Variants in DPP10 observed in about 807,000 individuals in gnomAD.
The protein encoded by DPP10 is inactive dipeptidyl peptidase 10.
DPP10 carries 33 observed loss-of-function variants against 120.9 expected under a neutral mutation model. That is an observed-to-expected ratio of 0.27 (90% CI 0.21 to 0.37). The LOEUF is 0.37. Among genes scored for constraint, DPP10 ranks in the 10% least tolerant of loss-of-function variants. DPP10 has a pLI of 1.00. For synonymous variants in DPP10, 337 were observed against 326.1 expected (o/e 1.03, Z -0.36); for missense variants, 816 against 942.8 (o/e 0.87, Z 1.76).
At chr2:115,287,875 A>G (rs936375198) in intron 1 of DPP10, among the ~76,000 whole-genome samples, 5 of 152,174 alleles carry the variant, frequency 3.3e-5, no homozygotes, top group African/African-American at 1.2e-4. Flanking sequence ...TTTCCATGGA[A>G]TGATAAGGAA....
At chr2:114,883,230 A>C (rs1336452317) in intron 1 of DPP10, among the ~76,000 whole-genome samples, 2 of 152,158 alleles carry the variant, frequency 1.3e-5, no homozygotes, top group Non-Finnish European at 2.9e-5. Flanking sequence ...TTGCTTCCCA[A>C]ATGGCAAGTG....
chr2:115,054,246 G>A (rs921793843), intron 1 of DPP10, among the ~76,000 whole-genome samples: 1 of 151,980 alleles, frequency 6.6e-6, no homozygotes, highest in Non-Finnish European at 1.5e-5. Context: ...TGGCTCCTTA[G>A]AGTCCTAGAA....
At chr2:114,935,053 T>C (rs1194161519) in intron 1 of DPP10, among the ~76,000 whole-genome samples, 2 of 152,120 alleles carry the variant, frequency 1.3e-5, no homozygotes, top group East Asian at 3.9e-4. Flanking sequence ...ATGAGGTAAA[T>C]CTACTCCATG....
intron 1 of DPP10, among the ~76,000 whole-genome samples, chr2:115,130,740 A>C (rs572186901): frequency 1.6e-4 from 24 of 151,800 alleles, no homozygotes; most frequent in African/African-American, 5.8e-4. Context: ...TTTTCTCCCC[A>C]CCTCTTCCAT....
intron 5 of DPP10, among the ~76,000 whole-genome samples, chr2:115,547,493 G>A (rs192200630): frequency 5.3e-5 from 8 of 152,214 alleles, no homozygotes; most frequent in Non-Finnish European, 1.0e-4. Flanking sequence ...TGGCTTATAG[G>A]CCAGGCACAG....
intron 15 of DPP10, among the ~76,000 whole-genome samples, chr2:115,778,058 T>C (rs1434553473): frequency 3.3e-5 from 5 of 152,126 alleles, no homozygotes; most frequent in Non-Finnish European, 1.5e-5. Context: ...CCTTATTCTT[T>C]TCTTCACCTG....
chr2:115,496,891 G>T (rs1168066375), intron 3 of DPP10, among the ~76,000 whole-genome samples: 1 of 152,012 alleles, frequency 6.6e-6, no homozygotes, highest in Non-Finnish European at 1.5e-5. Context: ...AGTTTGGTGG[G>T]CATGGGACTA....
intron 5 of DPP10, among the ~76,000 whole-genome samples, chr2:115,587,031 T>C (rs2082327761): frequency 6.6e-6 from 1 of 151,974 alleles, no homozygotes; most frequent in African/African-American, 2.4e-5. Flanking sequence ...GTTTTATAAC[T>C]GAAAGTTTAT....
chr2:115,618,727 A>G (rs1158411656), intron 5 of DPP10, among the ~76,000 whole-genome samples: 5 of 152,206 alleles, frequency 3.3e-5, no homozygotes, highest in Non-Finnish European at 7.3e-5. Flanking sequence ...ACACTAAGGA[A>G]TAGCATTCAC....
intron 1 of DPP10, among the ~76,000 whole-genome samples, chr2:114,584,884 T>C (rs1282741045): frequency 6.6e-6 from 1 of 152,112 alleles, no homozygotes; most frequent in Non-Finnish European, 1.5e-5. Flanking sequence ...TTGAACATTA[T>C]GTGAAGGGGA....
At chr2:115,044,535 A>G (rs1828311) in intron 1 of DPP10, among the ~76,000 whole-genome samples, 2 of 151,916 alleles carry the variant, frequency 1.3e-5, no homozygotes, top group African/African-American at 2.4e-5. Flanking sequence ...ATCATGAGAA[A>G]AGCACTGGAA....
intron 21 of DPP10, among the ~76,000 whole-genome samples, chr2:115,827,132 T>G (rs1688393784): frequency 1.3e-5 from 2 of 151,896 alleles, no homozygotes. Flanking sequence ...TATTTGTTAA[T>G]TATAACTGGT....
intron 3 of DPP10, among the ~76,000 whole-genome samples, chr2:115,498,081 C>A (rs1420040281): frequency 6.6e-6 from 1 of 152,026 alleles, no homozygotes; most frequent in Non-Finnish European, 1.5e-5. Flanking sequence ...GAAATCCCTT[C>A]TTTATCTCCT....
chr2:114,644,823 A>G (rs2105449275), intron 1 of DPP10, among the ~76,000 whole-genome samples: 2 of 152,072 alleles, frequency 1.3e-5, no homozygotes, highest in South Asian at 4.1e-4. Context: ...AAGTTAGAGG[A>G]CGTGCTACTA....
intron 1 of DPP10, among the ~76,000 whole-genome samples, chr2:114,927,295 C>A (rs186794415): frequency 9.2e-4 from 139 of 151,542 alleles, no homozygotes; most frequent in Admixed American, 1.4e-3. Context: ...TAATCTGAGG[C>A]AGGTCTCAGT....
Position 115,673,851 on chromosome 2 carries a change from T to A in DPP10, c.442-15836T>A, listed in dbSNP as rs2090082077. 3.9e-5 allele frequency among the ~76,000 whole-genome samples: 6 copies of A among 152,162 alleles called. No homozygotes were observed. In the South Asian group the frequency reaches 1.2e-3, roughly 32 times the overall value. ...CAGATGACTCCAAGAGTTCATATAT[T>A]TATAAATTGTATCTAATGATTTTTA... On this transcript the variant is annotated intron_variant, in intron 5 of 25. Transcript: ENST00000410059.
chr2:115,050,741 G>A (rs940539697), intron 1 of DPP10, among the ~76,000 whole-genome samples: 12 of 152,252 alleles, frequency 7.9e-5, no homozygotes, highest in South Asian at 2.1e-4. Context: ...ACTAACCTTC[G>A]GTCTCTGCGC....
intron 1 of DPP10, among the ~76,000 whole-genome samples, chr2:115,224,065 G>A (rs2057313747): frequency 6.6e-6 from 1 of 152,070 alleles, no homozygotes; most frequent in African/African-American, 2.4e-5. Context: ...TAAACTCAAA[G>A]TAGTCCTGCT....
intron 1 of DPP10, among the ~76,000 whole-genome samples, chr2:114,896,680 A>G (rs1693032160): frequency 6.6e-6 from 1 of 152,206 alleles, no homozygotes; most frequent in Non-Finnish European, 1.5e-5. Context: ...GTCATCTGCA[A>G]ACAGGGACAA....
Sources: allele counts gnomAD v4.1 joint callset (sites outside exome capture counted in the v4.1 genomes callset), GRCh38; gene constraint gnomAD v4.1.1; transcripts MANE v1.5; gene names NCBI Gene and HGNC (gene_info 2026-07-23, HGNC 2026-07-21).